Variants in RAB30 observed in about 807,000 individuals in gnomAD.
The protein encoded by RAB30 is ras-related protein Rab-30.
A neutral mutation model predicts 25.1 loss-of-function variants in RAB30; 9 were observed. That is an observed-to-expected ratio of 0.36 (90% CI 0.22 to 0.63). RAB30 has a LOEUF of 0.63. RAB30 is among the 20% of genes least tolerant of loss of function. The probability of loss-of-function intolerance (pLI) is 0.69; values close to 1 mark genes in which losing one functional copy is unlikely to be tolerated. For missense variants in RAB30, 140 were observed against 243.5 expected (o/e 0.58, Z 2.83); for synonymous variants, 77 against 86.4 (o/e 0.89, Z 0.60).
chr11:82,997,133 G>C lies in RAB30; in HGVS notation c.93+91C>G. 1.3e-5 allele frequency: 13 copies of C among 1,027,208 alleles called. 1 individual carries two copies. In the South Asian group the frequency reaches 1.8e-4, roughly 14 times the overall value. The allele number at this position is 1,027,208 out of a possible 1,614,324, so 63.6% of individuals were successfully genotyped here. A position where few individuals can be genotyped will look rare whatever the true frequency, so the allele number is the denominator to read the frequency against. Reference sequence around the variant, plus strand: ...CAGCTAAGACCCTGGCATTGAAACTGGTCATCCATCTCGACAGATTCCCCC... The same window carrying C: ...CAGCTAAGACCCTGGCATTGAAACTCGTCATCCATCTCGACAGATTCCCCC... On this transcript the variant is annotated intron_variant, in intron 2 of 4. Coordinates refer to ENST00000527633, the MANE Select transcript of RAB30 (RefSeq NM_001286060.2).
intron 4 of RAB30, among the ~76,000 whole-genome samples, chr11:82,983,393 A>G (rs1401781743): frequency 6.6e-6 from 1 of 152,222 alleles, no homozygotes. Context: ...ACAAATGAAC[A>G]TGTTCATCAT....
chr11:83,036,049 G>A (rs977060576), intron 1 of RAB30, among the ~76,000 whole-genome samples: 1 of 151,984 alleles, frequency 6.6e-6, no homozygotes, highest in Non-Finnish European at 1.5e-5. Flanking sequence ...TAACTGACCC[G>A]CACAACATTC....
At chr11:83,026,812 T>C (rs2121513209) in intron 1 of RAB30, among the ~76,000 whole-genome samples, 1 of 102,144 alleles carries the variant, frequency 9.8e-6, no homozygotes, top group East Asian at 2.2e-4. Flanking sequence ...GCTTTATTTT[T>C]ATTAAAAAAA....
intron 2 of RAB30, among the ~76,000 whole-genome samples, chr11:82,996,088 A>G (rs1203413999): frequency 6.6e-6 from 1 of 152,190 alleles, no homozygotes; most frequent in East Asian, 1.9e-4. Context: ...CCAGATGCCT[A>G]TTAGCTTGTT....
At chr11:83,038,212 C>A (rs1404686610) in intron 1 of RAB30, among the ~76,000 whole-genome samples, 1 of 152,138 alleles carries the variant, frequency 6.6e-6, no homozygotes, top group Non-Finnish European at 1.5e-5. Context: ...TCCAACAGGG[C>A]AGAACTCCCT....
intron 1 of RAB30, among the ~76,000 whole-genome samples, chr11:83,000,861 G>A (rs1248016767): frequency 1.4e-5 from 2 of 143,232 alleles, no homozygotes; most frequent in Non-Finnish European, 3.0e-5. Flanking sequence ...AGACCACGGT[G>A]AAACCCCGTC....
At chr11:83,069,091 T>C (rs149259157) in intron 1 of RAB30, among the ~76,000 whole-genome samples, 71 of 152,292 alleles carry the variant, frequency 4.7e-4, no homozygotes, top group African/African-American at 1.6e-3. Context: ...AGAGCAAGGA[T>C]CATTATCCCT....
At chr11:83,067,038 G>A (rs139202708) in intron 1 of RAB30, among the ~76,000 whole-genome samples, 52 of 152,242 alleles carry the variant, frequency 3.4e-4, no homozygotes, top group Middle Eastern at 3.4e-3. Flanking sequence ...TTGGGTGCCT[G>A]GAAACACAGT....
At chr11:82,988,535 T>C (rs1273422574) in intron 3 of RAB30, among the ~76,000 whole-genome samples, 1 of 152,256 alleles carries the variant, frequency 6.6e-6, no homozygotes, top group African/African-American at 2.4e-5. Context: ...TGGGCTTTGA[T>C]TATTTCTTTA....
intron 1 of RAB30, among the ~76,000 whole-genome samples, chr11:83,055,290 A>G (rs1272688376): frequency 6.6e-6 from 1 of 152,226 alleles, no homozygotes; most frequent in Non-Finnish European, 1.5e-5. Flanking sequence ...GCACACCACA[A>G]CTTCATGAAC....
In RAB30 at chr11:82,976,661, A is replaced by AAG. The variant is rs747534860; in HGVS notation, c.*5502_*5503dup. 5.1e-4 allele frequency: 77 copies of AAG among 152,210 alleles called. No individual in the cohort carries two copies. Among genetic ancestry groups the AAG allele is most frequent in the Non-Finnish European group, 7.5e-4 (51 of 68,038 alleles). 9.4% of individuals were successfully genotyped at this position (152,210 alleles called of 1,614,324 possible). Reference sequence around the variant, plus strand: ...ACCTCTTGTCCAAAGGAGTCCAAGAAAGTCTCAATCAAACTCAAATAGATT... The same window carrying AAG: ...ACCTCTTGTCCAAAGGAGTCCAAGAAAGAGTCTCAATCAAACTCAAATAGATT... On this transcript the variant is annotated 3_prime_UTR_variant, in exon 5 of 5. Coordinates refer to ENST00000527633, the MANE Select transcript of RAB30 (RefSeq NM_001286060.2).
intron 3 of RAB30, among the ~76,000 whole-genome samples, chr11:82,991,425 T>C (rs1856847985): frequency 6.8e-6 from 1 of 147,730 alleles, no homozygotes; most frequent in South Asian, 2.1e-4. Context: ...GAGGATCACT[T>C]GAGCCTAGGA....
chr11:83,061,752 C>T lies in RAB30; in HGVS notation c.-9+9939G>A, dbSNP rs905245871. 2.2e-4 allele frequency among the ~76,000 whole-genome samples: 25 copies of T among 115,994 alleles called. No individual in the cohort carries two copies. In the Admixed American group the frequency reaches 2.4e-3, roughly 11 times the overall value. The allele number at this position is 115,994 out of a possible 152,430, so 76.1% of individuals were successfully genotyped here. A position where few individuals can be genotyped will look rare whatever the true frequency, so the allele number is the denominator to read the frequency against. On this transcript the variant is annotated intron_variant, in intron 1 of 4. Coordinates refer to ENST00000527633, the MANE Select transcript of RAB30 (RefSeq NM_001286060.2). Reference sequence around the variant, plus strand: ...TTTTTTTAAAGATGGGGTCTTACAACGTTGCCCAGGCTGCTCTTGAATTCC... The same window carrying T: ...TTTTTTTAAAGATGGGGTCTTACAATGTTGCCCAGGCTGCTCTTGAATTCC...
intron 1 of RAB30, among the ~76,000 whole-genome samples, chr11:82,999,273 A>C (rs567565052): frequency 2.9e-4 from 44 of 152,350 alleles, no homozygotes; most frequent in African/African-American, 1.1e-3. Flanking sequence ...GGGTGGCCTG[A>C]AATCATAAAG....
chr11:83,016,439 T>C (rs916260250), intron 1 of RAB30, among the ~76,000 whole-genome samples: 10 of 152,192 alleles, frequency 6.6e-5, no homozygotes, highest in African/African-American at 2.4e-4. Context: ...GTTATGGGAA[T>C]TTGGGAAGGT....
At chr11:82,992,270 C>T (rs905260271) in intron 3 of RAB30, 2 of 455,958 alleles carry the variant, frequency 4.4e-6, no homozygotes, top group Non-Finnish European at 8.8e-6. Flanking sequence ...ACCCCCCACA[C>T]TATTTTTGTT....
chr11:83,039,820 A>C (rs931541464), intron 1 of RAB30, among the ~76,000 whole-genome samples: 1 of 152,200 alleles, frequency 6.6e-6, no homozygotes, highest in Non-Finnish European at 1.5e-5. Context: ...AAAAAGGCTG[A>C]AAAAATGGCC....
intron 1 of RAB30, among the ~76,000 whole-genome samples, chr11:83,029,194 G>A (rs1199833917): frequency 6.6e-6 from 1 of 152,010 alleles, no homozygotes; most frequent in Non-Finnish European, 1.5e-5. Context: ...ATTGAAGACA[G>A]CCATCACCAA....
intron 1 of RAB30, among the ~76,000 whole-genome samples, chr11:83,003,847 C>T (rs1857135859): frequency 6.6e-6 from 1 of 151,746 alleles, no homozygotes; most frequent in Non-Finnish European, 1.5e-5. Context: ...TTTCCCAAAA[C>T]CCAAAATCAG....
Sources: allele counts gnomAD v4.1 joint callset (sites outside exome capture counted in the v4.1 genomes callset), GRCh38; gene constraint gnomAD v4.1.1; transcripts MANE v1.5; gene names NCBI Gene and HGNC (gene_info 2026-07-23, HGNC 2026-07-21).